The following PSMA1 variants were observed in gnomAD, a reference collection of about 807,000 sequenced individuals.
PSMA1 encodes the protein proteasome subunit alpha type-1.
In PSMA1, 3 loss-of-function variants were observed where a neutral mutation model predicts 38.4. The observed-to-expected ratio is 0.08, with a 90% CI of 0.04 to 0.20. The LOEUF is 0.20. Among genes scored for constraint, PSMA1 ranks in the 10% least tolerant of loss-of-function variants. PSMA1 has a pLI of 1.00. For missense variants in PSMA1, 227 were observed against 325.3 expected (o/e 0.70, Z 2.32); for synonymous variants, 101 against 107.1 (o/e 0.94, Z 0.35).
intron 2 of PSMA1, among the ~76,000 whole-genome samples, chr11:14,536,124 C>T (rs1851703754): frequency 6.6e-6 from 1 of 152,346 alleles, no homozygotes; most frequent in African/African-American, 2.4e-5. Context: ...AGACATTTCT[C>T]ATTCCTTCAA....
At chr11:14,605,077 G>A (rs1852626970) in intron 2 of PSMA1, among the ~76,000 whole-genome samples, 1 of 152,100 alleles carries the variant, frequency 6.6e-6, no homozygotes, top group Non-Finnish European at 1.5e-5. Flanking sequence ...CCTAGTAATG[G>A]GATTGCTAGG....
chr11:14,572,894 C>CA (rs1374903348), intron 2 of PSMA1, among the ~76,000 whole-genome samples: 2 of 152,156 alleles, frequency 1.3e-5, no homozygotes, highest in African/African-American at 4.8e-5. Flanking sequence ...CACCTCTACG[C>CA]AAATAAACTA....
At chr11:14,589,702 T>C (rs1852389382) in intron 2 of PSMA1, among the ~76,000 whole-genome samples, 4 of 152,064 alleles carry the variant, frequency 2.6e-5, no homozygotes, top group Non-Finnish European at 5.9e-5. Flanking sequence ...TAAGTACATG[T>C]TTATGATAAC....
chr11:14,581,655 T>C (rs1711895165), intron 2 of PSMA1, among the ~76,000 whole-genome samples: 1 of 152,198 alleles, frequency 6.6e-6, no homozygotes, highest in Admixed American at 6.5e-5. Flanking sequence ...CAGTTGCAAC[T>C]GCCAGAACCC....
At chr11:14,561,877 G>A (rs531014136) in intron 2 of PSMA1, among the ~76,000 whole-genome samples, 228 of 149,526 alleles carry the variant, frequency 1.5e-3, no homozygotes, top group Non-Finnish European at 2.5e-3. Flanking sequence ...TAAACTAAAC[G>A]AAATAAAGGG....
intron 7 of PSMA1, among the ~76,000 whole-genome samples, chr11:14,513,060 C>T (rs375937372): frequency 3.3e-5 from 5 of 152,274 alleles, no homozygotes; most frequent in African/African-American, 1.2e-4. Flanking sequence ...ATGTAAAACC[C>T]GATACCCTCC....
chr11:14,625,499 C>A (rs1329294205), intron 1 of PSMA1, among the ~76,000 whole-genome samples: 3 of 152,170 alleles, frequency 2.0e-5, no homozygotes, highest in Non-Finnish European at 4.4e-5. Flanking sequence ...ACATAATTGA[C>A]TACTGGACCA....
At chr11:14,632,925 G>A (rs1369095812) in intron 1 of PSMA1, among the ~76,000 whole-genome samples, 13 of 149,804 alleles carry the variant, frequency 8.7e-5, no homozygotes, top group African/African-American at 1.7e-4. Flanking sequence ...CCAGTTGATC[G>A]CATCGGCTCC....
intron 1 of PSMA1, among the ~76,000 whole-genome samples, chr11:14,615,156 C>T (rs1234320904): frequency 1.3e-5 from 2 of 152,198 alleles, no homozygotes; most frequent in Non-Finnish European, 2.9e-5. Context: ...GTCTTATTCA[C>T]TTCTCTATTT....
At chr11:14,529,685 T>C (rs888428236) in intron 2 of PSMA1, among the ~76,000 whole-genome samples, 3 of 152,260 alleles carry the variant, frequency 2.0e-5, no homozygotes, top group Admixed American at 2.0e-4. Context: ...TGGTAACACC[T>C]TAACTCTCAC....
chr11:14,560,543 CCAGT>C (rs1851996612), intron 2 of PSMA1, among the ~76,000 whole-genome samples: 1 of 152,096 alleles, frequency 6.6e-6, no homozygotes, highest in African/African-American at 2.4e-5. Flanking sequence ...AAGAGATGTA[CCAGT>C]CAATCACCAG....
At chr11:14,509,841 A>T (rs1173765572) in intron 8 of PSMA1, among the ~76,000 whole-genome samples, 1 of 150,430 alleles carries the variant, frequency 6.6e-6, no homozygotes, top group Non-Finnish European at 1.5e-5. Flanking sequence ...CTCCTGCCTC[A>T]GCCTCCCGAG....
At chr11:14,510,338 C>T (rs1851323985) in intron 8 of PSMA1, among the ~76,000 whole-genome samples, 1 of 152,152 alleles carries the variant, frequency 6.6e-6, no homozygotes, top group East Asian at 1.9e-4. Context: ...ATTTCATTTT[C>T]TTGGTGAGAA....
intron 2 of PSMA1, among the ~76,000 whole-genome samples, chr11:14,591,863 C>G (rs996126832): frequency 2.0e-5 from 3 of 152,084 alleles, no homozygotes; most frequent in East Asian, 1.9e-4. Context: ...GCAACCCGCT[C>G]GGGTCCCCTT....
intron 2 of PSMA1, among the ~76,000 whole-genome samples, chr11:14,582,562 C>A (rs146681945): frequency 6.6e-6 from 1 of 152,136 alleles, no homozygotes; most frequent in African/African-American, 2.4e-5. Context: ...TCTATCACCA[C>A]GCTGGAGTAT....
intron 2 of PSMA1, among the ~76,000 whole-genome samples, chr11:14,532,949 A>T (rs1851666121): frequency 1.3e-5 from 2 of 152,178 alleles, no homozygotes; most frequent in Non-Finnish European, 2.9e-5. Flanking sequence ...CAATATGATA[A>T]ATTACTATAT....
intron 2 of PSMA1, among the ~76,000 whole-genome samples, chr11:14,528,223 G>T (rs573382261): frequency 1.3e-5 from 2 of 152,028 alleles, no homozygotes; most frequent in African/African-American, 2.4e-5. Flanking sequence ...CCAAAAACTC[G>T]CCAGCCAAGC....
chr11:14,514,631 C>G, intron 4 of PSMA1, 140 bp from the exon 5 acceptor site: 1 of 654,666 alleles, frequency 1.5e-6, no homozygotes, highest in Non-Finnish European at 2.4e-6. Flanking sequence ...GTAAGAAAGA[C>G]ATGCCTGCAA....
intron 1 of PSMA1, among the ~76,000 whole-genome samples, chr11:14,612,035 G>T (rs545090491): frequency 6.6e-6 from 1 of 152,314 alleles, no homozygotes; most frequent in South Asian, 2.1e-4. Flanking sequence ...AAAATTGTAA[G>T]TGCATCTCTA....
Sources: allele counts gnomAD v4.1 joint callset (sites outside exome capture counted in the v4.1 genomes callset), GRCh38; gene constraint gnomAD v4.1.1; transcripts MANE v1.5; gene names NCBI Gene and HGNC (gene_info 2026-07-23, HGNC 2026-07-21).